The following NCAM2 variants were observed in gnomAD, a reference collection of about 807,000 sequenced individuals.
NCAM2 encodes the protein N-CAM-2.
A neutral mutation model predicts 98.1 loss-of-function variants in NCAM2; 30 were observed. The observed-to-expected ratio is 0.31, with a 90% CI of 0.23 to 0.41. The LOEUF (loss-of-function observed/expected upper bound fraction) is 0.41. Ranked by LOEUF, NCAM2 falls within the 10% of genes least tolerant of loss-of-function variation. The probability of loss-of-function intolerance (pLI) is 1.00; values close to 1 mark genes in which losing one functional copy is unlikely to be tolerated. For synonymous variants in NCAM2, 368 were observed against 342.4 expected (o/e 1.07, Z -0.83); for missense variants, 867 against 1,005.8 (o/e 0.86, Z 1.87).
chr21:21,304,934 T>C lies in NCAM2; in HGVS notation c.619+12693T>C, dbSNP rs115163600. Among the ~76,000 whole-genome samples the C allele has an allele frequency of 5.7e-3, 875 of 152,298 alleles. 8 individuals carry two copies. Among genetic ancestry groups the C allele is most frequent in the African/African-American group, 0.02 (838 of 41,578 alleles). On this transcript the variant is annotated intron_variant, in intron 5 of 17. Coordinates refer to ENST00000400546, the MANE Select transcript of NCAM2 (RefSeq NM_004540.5). ...TTAATTGTAGCATCATATATAAAGATAGATAATATATTCTGAAATGTACTA... is the reference window on the plus strand; with the variant it reads ...TTAATTGTAGCATCATATATAAAGACAGATAATATATTCTGAAATGTACTA...
chr21:21,466,537 T>TAA, intron 12 of NCAM2, 69 bp from the exon 13 acceptor site: 1 of 1,171,208 alleles, frequency 8.5e-7, no homozygotes, highest in Non-Finnish European at 1.2e-6. Context: ...TTTTCCTTAT[T>TAA]AAAATGTGTC....
chr21:21,253,089 C>G (rs1002274884), intron 1 of NCAM2, among the ~76,000 whole-genome samples: 8 of 152,148 alleles, frequency 5.3e-5, no homozygotes, highest in Admixed American at 5.2e-4. Flanking sequence ...CATCATTGAA[C>G]TGCTTCTTCT....
At chr21:21,228,155 C>G (rs1050667509) in intron 1 of NCAM2, among the ~76,000 whole-genome samples, 5 of 151,444 alleles carry the variant, frequency 3.3e-5, no homozygotes, top group African/African-American at 1.2e-4. Flanking sequence ...AAAATGAAAA[C>G]TAAATGGCCA....
intron 15 of NCAM2, among the ~76,000 whole-genome samples, chr21:21,479,482 G>T (rs1985585407): frequency 6.6e-6 from 1 of 150,414 alleles, no homozygotes; most frequent in Non-Finnish European, 1.5e-5. Flanking sequence ...TACTCTAGAG[G>T]TTGAGACAGG....
intron 1 of NCAM2, among the ~76,000 whole-genome samples, chr21:21,208,425 G>C (rs1488705774): frequency 6.6e-6 from 1 of 152,152 alleles, no homozygotes; most frequent in East Asian, 1.9e-4. Flanking sequence ...ATACCAGTTA[G>C]AAGACTTTGT....
intron 1 of NCAM2, among the ~76,000 whole-genome samples, chr21:21,250,298 C>T (rs1261639433): frequency 6.6e-6 from 1 of 152,178 alleles, no homozygotes; most frequent in African/African-American, 2.4e-5. Context: ...TCAACTCATG[C>T]TCTCTAGGGA....
chr21:21,117,235 T>C (rs1299676886), intron 1 of NCAM2, among the ~76,000 whole-genome samples: 1 of 152,210 alleles, frequency 6.6e-6, no homozygotes, highest in Non-Finnish European at 1.5e-5. Flanking sequence ...GCTCACAGCT[T>C]GGCAATCACT....
intron 8 of NCAM2, among the ~76,000 whole-genome samples, chr21:21,351,095 CAGAG>C (rs560793559): frequency 1.3e-3 from 142 of 106,848 alleles, no homozygotes; most frequent in African/African-American, 5.1e-3. Context: ...GCCTGGGAGA[CAGAG>C]AGAGCGAGAC....
chr21:21,420,812 T>C (rs2077095647), intron 11 of NCAM2, among the ~76,000 whole-genome samples: 1 of 151,680 alleles, frequency 6.6e-6, no homozygotes, highest in Non-Finnish European at 1.5e-5. Flanking sequence ...TCAAGATAAG[T>C]GAGTTTAGAA....
intron 15 of NCAM2, among the ~76,000 whole-genome samples, chr21:21,488,869 A>T (rs1451043382): frequency 6.6e-6 from 1 of 152,040 alleles, no homozygotes; most frequent in East Asian, 1.9e-4. Flanking sequence ...ATACCTAAAT[A>T]TGTAACTTTA....
At chr21:21,225,962 GA>G (rs1317510143) in intron 1 of NCAM2, among the ~76,000 whole-genome samples, 1 of 152,104 alleles carries the variant, frequency 6.6e-6, no homozygotes, top group Non-Finnish European at 1.5e-5. Flanking sequence ...ACACACCATA[GA>G]ATACTAGGCC....
rs73894646 is a variant in NCAM2 at position 21,386,511 on chromosome 21, G to T, written c.1195+12498G>T. On this transcript the variant is annotated intron_variant, in intron 9 of 17. Coordinates refer to ENST00000400546, the MANE Select transcript of NCAM2 (RefSeq NM_004540.5). The stretch of plus-strand genomic sequence containing the variant: ...TCAAGGACAGCAACTGAGAAAAATG[G>T]AAAGCATATCTCTTCATCCAGAAGA... Among the ~76,000 whole-genome samples the T allele has an allele frequency of 2.2e-3, 337 of 152,244 alleles. 1 individual carries two copies. The highest frequency in any genetic ancestry group is 7.6e-3 in the African/African-American group (316 of 41,558).
intron 16 of NCAM2, among the ~76,000 whole-genome samples, chr21:21,518,461 AT>A (rs1032562537): frequency 6.6e-6 from 1 of 152,024 alleles, no homozygotes; most frequent in African/African-American, 2.4e-5. Context: ...CATTTCCAAT[AT>A]TTTTTGCTTT....
intron 1 of NCAM2, among the ~76,000 whole-genome samples, chr21:21,214,228 A>G (rs1282885092): frequency 1.3e-5 from 2 of 152,188 alleles, no homozygotes; most frequent in African/African-American, 2.4e-5. Flanking sequence ...CTTTCCAAGT[A>G]AAGAATTTTA....
rs555974819 is a variant in NCAM2, at chr21:21,141,019, G to A, written c.56-139559G>A. On this transcript the variant is annotated intron_variant, in intron 1 of 17. Transcript: ENST00000400546. ...TGGGCTATTTATCTATGGTCCAGGA[G>A]GCAAAGACTCTCCATTCAGGAAGCA... Among the ~76,000 whole-genome samples, 5 of 152,198 alleles carry A rather than the reference G, an allele frequency of 3.3e-5. No individual in the cohort carries two copies. In the South Asian group the frequency reaches 1.0e-3, roughly 32 times the overall value.
intron 1 of NCAM2, among the ~76,000 whole-genome samples, chr21:21,034,702 A>G (rs2064762280): frequency 6.6e-6 from 1 of 152,212 alleles, no homozygotes; most frequent in African/African-American, 2.4e-5. Flanking sequence ...AACAATGGAT[A>G]GGGCTAGAAT....
At chr21:21,269,094 T>A (rs1419572529) in intron 1 of NCAM2, among the ~76,000 whole-genome samples, 1 of 152,158 alleles carries the variant, frequency 6.6e-6, no homozygotes, top group East Asian at 1.9e-4. Flanking sequence ...ATTTAGCCAC[T>A]CCAATTTATT....
At chr21:21,266,386 A>G (rs1040547307) in intron 1 of NCAM2, among the ~76,000 whole-genome samples, 2 of 152,152 alleles carry the variant, frequency 1.3e-5, no homozygotes, top group Non-Finnish European at 2.9e-5. Flanking sequence ...TTTTCTCAGC[A>G]AAAATTGCAT....
intron 8 of NCAM2, among the ~76,000 whole-genome samples, chr21:21,372,017 A>G (rs2075928321): frequency 6.6e-6 from 1 of 151,808 alleles, no homozygotes; most frequent in Non-Finnish European, 1.5e-5. Context: ...AAGTTTTGGA[A>G]TACTGGCCAC....
Sources: allele counts gnomAD v4.1 joint callset (sites outside exome capture counted in the v4.1 genomes callset), GRCh38; gene constraint gnomAD v4.1.1; transcripts MANE v1.5; gene names NCBI Gene and HGNC (gene_info 2026-07-23, HGNC 2026-07-21).